Variants in SETD6 observed in about 807,000 individuals in gnomAD.
The protein encoded by SETD6 is N-lysine methyltransferase SETD6.
Under a neutral mutation model 52.7 loss-of-function variants are expected in SETD6, and 67 were observed. The ratio of observed to expected loss-of-function variants is 1.27; its 90% CI spans 1.04 to 1.56. The LOEUF (loss-of-function observed/expected upper bound fraction) is 1.56, where lower values mean the gene tolerates loss of function less well. SETD6 is among the 40% of genes most tolerant of loss of function. The pLI is 0.00. For synonymous variants in SETD6, 307 were observed against 250.2 expected (o/e 1.23, Z -2.14); for missense variants, 712 against 607.5 (o/e 1.17, Z -1.81).
rs558476585 is a variant in SETD6 at position 58,521,386 on chromosome 16, T to C, written c.*2357T>C. 1,008 of 1,486,130 alleles carry C rather than the reference T, an allele frequency of 6.8e-4. 15 individuals carry two copies. In the South Asian group the frequency reaches 0.012, roughly 18 times the overall value. The allele number at this position is 1,486,130 out of a possible 1,614,324, so 92.1% of individuals were successfully genotyped here. A position where few individuals can be genotyped will look rare whatever the true frequency, so the allele number is the denominator to read the frequency against. ...AAATTCATGATTATTCTTCCATTAC[T>C]TTTTTTCTAACTTCTCCCTGACTAT... is the stretch of plus-strand genomic sequence containing the variant. On this transcript the variant is annotated 3_prime_UTR_variant, in exon 8 of 8. Coordinates refer to ENST00000219315, the MANE Select transcript of SETD6 (RefSeq NM_001160305.4).
Position 58,517,754 on chromosome 16 carries a change from G to T in SETD6, c.793-297G>T, listed in dbSNP as rs370034822. Reference sequence around the variant, plus strand: ...ACCTCCCTAAGTGCTGGGATTACAGGTGTGAGCCACTGCGCCTGGCCGAAA... The same window carrying T: ...ACCTCCCTAAGTGCTGGGATTACAGTTGTGAGCCACTGCGCCTGGCCGAAA... On this transcript the variant is annotated intron_variant, in intron 5 of 7. Transcript: ENST00000219315. 64 of 421,954 alleles carry T rather than the reference G, an allele frequency of 1.5e-4. No individual in the cohort carries two copies. The East Asian group carries it at 3.1e-3, about 21-fold the overall frequency. 26.1% of individuals were successfully genotyped at this position (421,954 alleles called of 1,614,324 possible). A position where few individuals can be genotyped will look rare whatever the true frequency, so the allele number is the denominator to read the frequency against.
rs2039129428 is a variant in SETD6, at chr16:58,516,116, T to C, written c.334+19T>C. 3.5e-6 allele frequency: 2 copies of C among 564,432 alleles called. No individual in the cohort carries two copies. Among genetic ancestry groups the C allele is most frequent in the East Asian group, 1.2e-4 (1 of 8,592 alleles). The allele number at this position is 564,432 out of a possible 1,614,324, so 35.0% of individuals were successfully genotyped here. A position where few individuals can be genotyped will look rare whatever the true frequency, so the allele number is the denominator to read the frequency against. ...GAGCGAGGTGGGCACGGCGGCGGGC[T>C]AGGGCCCTGGGGCGGGGCGGGGCGG... On this transcript the variant is annotated intron_variant, in intron 2 of 7. Coordinates refer to ENST00000219315, the MANE Select transcript of SETD6 (RefSeq NM_001160305.4).
In SETD6 at chr16:58,521,113, C is replaced by G. The variant is rs1231920234; in HGVS notation, c.*2084C>G. ...TACCTTGCATCTCATTCAGCTGACC[C>G]AACCTAGAGACAGATGGTTTTCAGT... On this transcript the variant is annotated 3_prime_UTR_variant, in exon 8 of 8. Coordinates refer to ENST00000219315, the MANE Select transcript of SETD6 (RefSeq NM_001160305.4). 13 of 1,613,050 alleles carry G rather than the reference C, an allele frequency of 8.1e-6. No individual in the cohort carries two copies. Among genetic ancestry groups the G allele is most frequent in the Non-Finnish European group, 1.1e-5 (13 of 1,179,274 alleles).
At position 58,521,304 on chromosome 16, in the gene SETD6, G is replaced by A. The variant is rs2039357697; in HGVS notation, c.*2275G>A. On this transcript the variant is annotated 3_prime_UTR_variant, in exon 8 of 8. Transcript: ENST00000219315. The stretch of plus-strand genomic sequence containing the variant: ...GGATGTGGCCTATTTACAATCAACC[G>A]TTCCAAGAGAACTCTGGAAAAAGGG... The A allele has an allele frequency of 1.9e-6, 3 of 1,608,050 alleles. No homozygotes were observed. The highest frequency in any genetic ancestry group is 2.5e-6 in the Non-Finnish European group (3 of 1,178,582).
chr16:58,518,140 T>C lies in SETD6; in HGVS notation c.882T>C (p.Ile294=), dbSNP rs768809023. 2.5e-5 allele frequency: 40 copies of C among 1,614,212 alleles called. No individual in the cohort carries two copies. The highest frequency in any genetic ancestry group is 3.0e-5 in the Non-Finnish European group (35 of 1,180,038). ...TYGQMANWQL[I]HMYGFVEPYP... is the part of the protein sequence containing the mutation. The stretch of plus-strand genomic sequence containing the variant: ...GGCAAATGGCTAACTGGCAACTGAT[T>C]CATATGTACGGTTTTGTTGAACCAT... The change falls in exon 6 of 8, where the codon ATT becomes ATC. Residue 294 remains isoleucine, a synonymous_variant. Coordinates refer to ENST00000219315, the MANE Select transcript of SETD6 (RefSeq NM_001160305.4).
chr16:58,523,434 T>C lies in SETD6; in HGVS notation c.*4405T>C. ...GCAAAAAGGTACAGCATGGTGCAAC[T>C]GAAGTAGTGAGTGTGGCTATTTGGG... On this transcript the variant is annotated 3_prime_UTR_variant, in exon 8 of 8. Coordinates refer to ENST00000219315, the MANE Select transcript of SETD6 (RefSeq NM_001160305.4). 1.2e-6 allele frequency: 2 copies of C among 1,614,082 alleles called. No homozygotes were observed. Among genetic ancestry groups the C allele is most frequent in the Non-Finnish European group, 1.7e-6 (2 of 1,179,922 alleles).
At chr16:58,516,950 G>T (rs1448021277) in intron 5 of SETD6, 22 bp downstream of exon 5, 1 of 1,614,100 alleles carries the variant, frequency 6.2e-7, no homozygotes. Flanking sequence ...TTCTCTTGGT[G>T]CACTGATTGA....
chr16:58,516,150 G>GGGCCC (rs1214969036), intron 2 of SETD6, 52 bp from the exon 3 acceptor site: 46 of 1,282,108 alleles, frequency 3.6e-5, no homozygotes, highest in Non-Finnish European at 4.1e-5. Flanking sequence ...GGGGCGGGGC[G>GGGCCC]GGCCCGGCCC....
Position 58,515,775 on chromosome 16 carries a change from CG to C in SETD6, c.28-15del. 6.8e-7 allele frequency: 1 copy of C among 1,477,516 alleles called. No individual in the cohort carries two copies. Among genetic ancestry groups the C allele is most frequent in the South Asian group, 1.4e-5 (1 of 72,972 alleles). The allele number at this position is 1,477,516 out of a possible 1,614,324, so 91.5% of individuals were successfully genotyped here. On this transcript the variant is annotated splice_polypyrimidine_tract_variant and intron_variant, in intron 1 of 7. Coordinates refer to ENST00000219315, the MANE Select transcript of SETD6 (RefSeq NM_001160305.4). ...CTCTGGGGGTCGGACCTGGTCACTG[CG>C]CGCACTTATCTCAGGTGGCGGGGCC...
At position 58,521,188 on chromosome 16, in the gene SETD6, G is replaced by A. The variant is rs370023738; in HGVS notation, c.*2159G>A. The A allele has an allele frequency of 2.2e-5, 35 of 1,613,214 alleles. No homozygotes were observed. Among genetic ancestry groups the A allele is most frequent in the South Asian group, 1.8e-4 (16 of 90,886 alleles). ...AAAAATTACTTTGAACTCACTTTTC[G>A]ATTTCTGGGGCACAGTGTACAAATT... is the stretch of plus-strand genomic sequence containing the variant. On this transcript the variant is annotated 3_prime_UTR_variant, in exon 8 of 8. Coordinates refer to ENST00000219315, the MANE Select transcript of SETD6 (RefSeq NM_001160305.4).
At position 58,519,311 on chromosome 16, in the gene SETD6, GT is replaced by G. The variant is rs2151882233; in HGVS notation, c.*283del. ...GCCAGTGGACATACGGTAGTAATAA[GT>G]AAGTCTTGTTGTGTTTCAGCATTTA... On this transcript the variant is annotated 3_prime_UTR_variant, in exon 8 of 8. Transcript: ENST00000219315. 2.9e-6 allele frequency: 1 copy of G among 348,452 alleles called. No individual in the cohort carries two copies. The highest frequency in any genetic ancestry group is 6.0e-5 in the East Asian group (1 of 16,734). 21.6% of individuals were successfully genotyped at this position (348,452 alleles called of 1,614,324 possible).
In SETD6 at chr16:58,515,553, A is replaced by G. The variant is rs1361875742; in HGVS notation, c.16A>G (p.Lys6Glu). ...CTCTTAGACCATGGCGACCCAGGCG[A>G]AGCGTCCACGGGTGAGTGGCGGGCG... MATQA[K>E]RPRVAGPVDG... Residue 6 changes from lysine (K) to glutamate (E), a missense_variant, in exon 1 of 8, where the codon AAG becomes GAG. Physicochemically the swap from Lys to Glu is moderately conservative, Grantham distance 56. Coordinates refer to ENST00000219315, the MANE Select transcript of SETD6 (RefSeq NM_001160305.4). 2.5e-6 allele frequency: 4 copies of G among 1,589,024 alleles called. No individual in the cohort carries two copies. The highest frequency in any genetic ancestry group is 3.4e-6 in the Non-Finnish European group (4 of 1,171,964).
rs1767996636 is a variant in SETD6 at position 58,523,499 on chromosome 16, C to T, written c.*4470C>T. On this transcript the variant is annotated 3_prime_UTR_variant, in exon 8 of 8. Coordinates refer to ENST00000219315, the MANE Select transcript of SETD6 (RefSeq NM_001160305.4). ...TGCAATTGCATTCAAAAAGAGATAG[C>T]GACCTAGAAATTAAGAAACCTTGAC... is the stretch of plus-strand genomic sequence containing the variant. 6.2e-7 allele frequency: 1 copy of T among 1,613,400 alleles called. No homozygotes were observed. Among genetic ancestry groups the T allele is most frequent in the South Asian group, 1.1e-5 (1 of 91,016 alleles).
intron 5 of SETD6, 136 bp downstream of exon 5, chr16:58,517,064 A>T: frequency 7.8e-7 from 1 of 1,276,620 alleles, no homozygotes; most frequent in Non-Finnish European, 1.1e-6. Flanking sequence ...TATGCATATT[A>T]CTGTAGAATC....
In SETD6 at chr16:58,521,808, C is replaced by A. The variant is rs777192397; in HGVS notation, c.*2779C>A. On this transcript the variant is annotated 3_prime_UTR_variant, in exon 8 of 8. Transcript: ENST00000219315. ...CTCTGCTACAAATATAAAAATTAGT[C>A]AGACATGGTGGCCACATGCCTGTAA... Among the ~76,000 whole-genome samples, 12 of 151,722 alleles carry A rather than the reference C, an allele frequency of 7.9e-5. 1 individual carries two copies. The highest frequency in any genetic ancestry group is 7.2e-4 in the Admixed American group (11 of 15,220).
Position 58,518,102 on chromosome 16 carries a change from T to G in SETD6, c.844T>G (p.Phe282Val). 6.2e-7 allele frequency: 1 copy of G among 1,614,228 alleles called. No individual in the cohort carries two copies. Among genetic ancestry groups the G allele is most frequent in the Non-Finnish European group, 8.5e-7 (1 of 1,180,034 alleles). ...TQPIPKGHEI[F>V]NTYGQMANWQ... ...GCCCATTCCTAAAGGCCATGAGATT[T>G]TCAACACTTATGGGCAAATGGCTAA... The change falls in exon 6 of 8, where the codon TTC becomes GTC. Residue 282 changes from phenylalanine (F) to valine (V), a missense_variant. Coordinates refer to ENST00000219315, the MANE Select transcript of SETD6 (RefSeq NM_001160305.4).
At chr16:58,517,780 A>G (rs1353379475) in intron 5 of SETD6, 1 of 496,136 alleles carries the variant, frequency 2.0e-6, no homozygotes, top group Non-Finnish European at 3.6e-6. Flanking sequence ...CTGGCCGAAA[A>G]TTTCGTTTTT....
rs773100621 is a variant in SETD6 at position 58,515,847 on chromosome 16, G to T, written c.84G>T (p.Trp28Cys). Residue 28 changes from tryptophan to cysteine, a missense_variant, in exon 2 of 8, where the codon TGG (tryptophan) becomes TGT (cysteine). Physicochemically the swap from Trp to Cys is radical, Grantham distance 215. Transcript: ENST00000219315. Reference protein sequence around the residue: ...DLDPVACFLSWCRRVGLELSP... With the variant: ...DLDPVACFLSCCRRVGLELSP... ...ATCCTGTGGCCTGCTTCCTGAGCTG[G>T]TGCCGGCGGGTGGGGCTGGAGCTGA... is the stretch of plus-strand genomic sequence containing the variant. The T allele has an allele frequency of 6.5e-7, 1 of 1,533,846 alleles. No homozygotes were observed. Among genetic ancestry groups the T allele is most frequent in the Non-Finnish European group, 8.7e-7 (1 of 1,150,208 alleles).
At chr16:58,517,251 G>T (rs2039197768) in intron 5 of SETD6, 5 of 377,768 alleles carry the variant, frequency 1.3e-5, no homozygotes, top group South Asian at 1.1e-4. Context: ...GTGGATAGCA[G>T]CCTGGAACAG....
Sources: allele counts gnomAD v4.1 joint callset (sites outside exome capture counted in the v4.1 genomes callset), GRCh38; gene constraint gnomAD v4.1.1; transcripts MANE v1.5; gene names NCBI Gene and HGNC (gene_info 2026-07-23, HGNC 2026-07-21).